KLHL1: variants seen among roughly 807,000 people sequenced by gnomAD.
The protein encoded by KLHL1 is kelch-like protein 1.
KLHL1 carries 47 observed loss-of-function variants against 77.7 expected under a neutral mutation model. The ratio of observed to expected loss-of-function variants is 0.60; its 90% CI spans 0.48 to 0.77. KLHL1 has a LOEUF of 0.77. KLHL1 is among the 30% of genes least tolerant of loss of function. The probability of loss-of-function intolerance (pLI) is 0.00; values close to 1 mark genes in which losing one functional copy is unlikely to be tolerated. For missense variants in KLHL1, 925 were observed against 910.8 expected, an observed-to-expected ratio of 1.02 and a Z score of -0.20; for synonymous variants, 360 against 325.2, an observed-to-expected ratio of 1.11 and a Z score of -1.15.
chr13:69,785,788 G>A (rs545779129), intron 7 of KLHL1, among the ~76,000 whole-genome samples: 2 of 151,728 alleles, frequency 1.3e-5, no homozygotes, highest in South Asian at 4.2e-4. Context: ...AAAGAGAGAA[G>A]AATCAAATAG....
chr13:69,839,980 T>C (rs1417565576), intron 5 of KLHL1, among the ~76,000 whole-genome samples: 1 of 152,032 alleles, frequency 6.6e-6, no homozygotes, highest in African/African-American at 2.4e-5. Context: ...CAATAAAATG[T>C]GTCCCATAGA....
intron 5 of KLHL1, among the ~76,000 whole-genome samples, chr13:69,844,781 T>C (rs1421654147): frequency 6.6e-6 from 1 of 151,646 alleles, no homozygotes; most frequent in Non-Finnish European, 1.5e-5. Context: ...TATTTATTTA[T>C]TTATTAAGAC....
intron 6 of KLHL1, among the ~76,000 whole-genome samples, chr13:69,835,743 C>G (rs1374379073): frequency 6.6e-6 from 1 of 151,788 alleles, no homozygotes; most frequent in Non-Finnish European, 1.5e-5. Context: ...AGATTTAGAA[C>G]CCAACCTTTT....
intron 4 of KLHL1, among the ~76,000 whole-genome samples, chr13:69,935,485 AAT>A (rs1883158346): frequency 6.6e-6 from 1 of 152,192 alleles, no homozygotes; most frequent in African/African-American, 2.4e-5. Context: ...GACTCTAAAA[AAT>A]AAAAAAGGAG....
intron 1 of KLHL1, among the ~76,000 whole-genome samples, chr13:69,987,389 G>T (rs1030194041): frequency 6.6e-6 from 1 of 151,948 alleles, no homozygotes; most frequent in Non-Finnish European, 1.5e-5. Context: ...CCTCAAAATG[G>T]ATACTGAAAA....
At chr13:69,786,260 A>G (rs1356950900) in intron 7 of KLHL1, among the ~76,000 whole-genome samples, 2 of 152,204 alleles carry the variant, frequency 1.3e-5, no homozygotes, top group African/African-American at 4.8e-5. Flanking sequence ...AATCCTCAAT[A>G]AAATACTGGC....
At chr13:70,050,564 T>C (rs1234669321) in intron 1 of KLHL1, among the ~76,000 whole-genome samples, 1 of 151,964 alleles carries the variant, frequency 6.6e-6, no homozygotes, top group Non-Finnish European at 1.5e-5. Context: ...TTATGTGTCA[T>C]AATTTGTATT....
intron 1 of KLHL1, among the ~76,000 whole-genome samples, chr13:70,024,878 A>C (rs2137357564): frequency 6.6e-6 from 1 of 152,048 alleles, no homozygotes; most frequent in East Asian, 1.9e-4. Context: ...CTGTGCCTCT[A>C]AGGATATGCA....
At chr13:69,959,538 C>T (rs993634974) in intron 3 of KLHL1, among the ~76,000 whole-genome samples, 1 of 146,416 alleles carries the variant, frequency 6.8e-6, no homozygotes, top group Non-Finnish European at 1.5e-5. Flanking sequence ...GCTCACCCCT[C>T]TTTTTTCAGA....
intron 4 of KLHL1, among the ~76,000 whole-genome samples, chr13:69,930,270 C>G (rs1294292138): frequency 6.6e-6 from 1 of 151,822 alleles, no homozygotes; most frequent in South Asian, 2.1e-4. Context: ...CATCCATTTA[C>G]TATGATGGAT....
At chr13:69,893,274 C>T (rs984759640) in intron 4 of KLHL1, among the ~76,000 whole-genome samples, 1 of 146,810 alleles carries the variant, frequency 6.8e-6, no homozygotes, top group Non-Finnish European at 1.5e-5. Context: ...GTCGCCCAGG[C>T]CGGACTGCGG....
chr13:69,837,665 T>TACATATATACACATATATACACATATA (rs1164441870), intron 6 of KLHL1, among the ~76,000 whole-genome samples: 1 of 127,346 alleles, frequency 7.9e-6, no homozygotes, highest in African/African-American at 3.6e-5. Flanking sequence ...TATGTGTGTG[T>TACATATATACACATATATACACATATA]GTGTGTATAT....
chr13:70,024,640 C>CTCTTTCTCTCTCTT (rs1383529677), intron 1 of KLHL1, among the ~76,000 whole-genome samples: 1 of 149,778 alleles, frequency 6.7e-6, no homozygotes, highest in Admixed American at 6.7e-5. Context: ...CTCTCTCTCT[C>CTCTTTCTCTCTCTT]TCTCTCTCTC....
At chr13:69,822,457 G>A (rs1222352567) in intron 6 of KLHL1, among the ~76,000 whole-genome samples, 1 of 152,116 alleles carries the variant, frequency 6.6e-6, no homozygotes, top group Admixed American at 6.5e-5. Flanking sequence ...AAGTGACATT[G>A]TCTATTAAAT....
intron 1 of KLHL1, among the ~76,000 whole-genome samples, chr13:70,005,269 A>C (rs2137330261): frequency 6.6e-6 from 1 of 152,172 alleles, no homozygotes; most frequent in South Asian, 2.1e-4. Flanking sequence ...CAATAGTAAA[A>C]AAATGCAAAT....
At chr13:70,068,667 T>G (rs1887071597) in intron 1 of KLHL1, among the ~76,000 whole-genome samples, 1 of 152,244 alleles carries the variant, frequency 6.6e-6, no homozygotes, top group Admixed American at 6.5e-5. Context: ...CCTAAAAATC[T>G]AAATCGCTTG....
intron 6 of KLHL1, among the ~76,000 whole-genome samples, chr13:69,813,102 A>C (rs910049677): frequency 6.6e-6 from 1 of 152,102 alleles, no homozygotes; most frequent in African/African-American, 2.4e-5. Flanking sequence ...AGACTGGATT[A>C]AGAAAATGTG....
rs546575805 is a variant in KLHL1, at chr13:69,739,322, C to G, written c.1802+1072G>C. Among the ~76,000 whole-genome samples the G allele has an allele frequency of 3.3e-5, 5 of 152,280 alleles. No homozygotes were observed. In the South Asian group the frequency reaches 1.0e-3, roughly 32 times the overall value. On this transcript the variant is annotated intron_variant, in intron 8 of 10. Transcript: ENST00000377844. ...CACACTTAACTATACAGACCAGTGA[C>G]ACTATGAAGCTACTACATAGACAAG...
rs146541688 is a variant in KLHL1, at chr13:69,876,484, T to G, written c.1227+5799A>C. Among the ~76,000 whole-genome samples the G allele has an allele frequency of 2.6e-3, 394 of 152,348 alleles. 2 individuals are homozygous for G. The highest frequency in any genetic ancestry group is 8.8e-3 in the African/African-American group (366 of 41,582). On this transcript the variant is annotated intron_variant, in intron 5 of 10. Coordinates refer to ENST00000377844, the MANE Select transcript of KLHL1 (RefSeq NM_020866.3). ...ATTCATGTAAAATAGAGACAGCATC[T>G]GTCTTCTAAAGTTAAATACTTGAAT...
Sources: allele counts gnomAD v4.1 joint callset (sites outside exome capture counted in the v4.1 genomes callset), GRCh38; gene constraint gnomAD v4.1.1; transcripts MANE v1.5; gene names NCBI Gene and HGNC (gene_info 2026-07-23, HGNC 2026-07-21).